Variants in CNIH3 observed in about 807,000 individuals in gnomAD.
CNIH3 encodes protein cornichon homolog 3.
A neutral mutation model predicts 24.1 loss-of-function variants in CNIH3; 14 were observed. The ratio of observed to expected loss-of-function variants is 0.58; its 90% CI spans 0.38 to 0.91. The LOEUF is 0.91. CNIH3 is among the 40% of genes least tolerant of loss of function. The pLI is 0.00. For missense variants in CNIH3, 178 were observed against 196.8 expected, an observed-to-expected ratio of 0.90 and a Z score of 0.57; for synonymous variants, 68 against 73.8, an observed-to-expected ratio of 0.92 and a Z score of 0.40.
chr1:224,446,152 T>G (rs1156923237), intron 1 of CNIH3, among the ~76,000 whole-genome samples: 1 of 152,184 alleles, frequency 6.6e-6, no homozygotes, highest in East Asian at 1.9e-4. Flanking sequence ...CATACTGACT[T>G]ACTTGCTGCT....
chr1:224,441,423 G>A (rs1674907961), intron 1 of CNIH3, among the ~76,000 whole-genome samples: 1 of 151,978 alleles, frequency 6.6e-6, no homozygotes. Context: ...GGAATAAAGG[G>A]CAAAAAGGCA....
chr1:224,535,887 G>A (rs1679263740), intron 2 of CNIH3, among the ~76,000 whole-genome samples: 3 of 152,220 alleles, frequency 2.0e-5, no homozygotes, highest in Admixed American at 2.0e-4. Flanking sequence ...GTGGCCTCCT[G>A]TAGAGGCATG....
chr1:224,639,721 A>T (rs1381012952), intron 1 of CNIH3, among the ~76,000 whole-genome samples: 2 of 152,166 alleles, frequency 1.3e-5, no homozygotes, highest in African/African-American at 4.8e-5. Context: ...CTTTGTTCTA[A>T]ATTTCTTCCT....
intron 1 of CNIH3, among the ~76,000 whole-genome samples, chr1:224,480,608 C>T (rs1572333341): frequency 1.3e-5 from 2 of 152,084 alleles, no homozygotes; most frequent in Non-Finnish European, 2.9e-5. Context: ...TGCCAGATAC[C>T]CTAAATCATC....
At chr1:224,546,879 C>T in exon 3 of CNIH3, 1 of 985,092 alleles carries the variant, frequency 1.0e-6, no homozygotes, top group Non-Finnish European at 1.2e-6. Flanking sequence ...GGCCATTTGA[C>T]ATGGGACACA....
intron 3 of CNIH3, among the ~76,000 whole-genome samples, chr1:224,728,223 A>G (rs543015537): frequency 8.4e-4 from 128 of 152,374 alleles, no homozygotes; most frequent in Non-Finnish European, 1.2e-3. Context: ...AGAGATGTGC[A>G]TAGCAGAACT....
chr1:224,657,927 A>G (rs9660787), intron 1 of CNIH3, among the ~76,000 whole-genome samples: 26,878 of 152,150 alleles, frequency 0.18, 2,536 homozygotes, highest in African/African-American at 0.23. Context: ...TAACATAATC[A>G]TAATTATTAC....
At chr1:224,509,526 C>T (rs1436401325) in intron 1 of CNIH3, among the ~76,000 whole-genome samples, 1 of 152,150 alleles carries the variant, frequency 6.6e-6, no homozygotes, top group Non-Finnish European at 1.5e-5. Context: ...CCCTGGCCCA[C>T]CCTCCTTGCC....
chr1:224,625,463 G>A (rs372122739), intron 1 of CNIH3, among the ~76,000 whole-genome samples: 91 of 152,362 alleles, frequency 6.0e-4, no homozygotes, highest in Admixed American at 1.2e-3. Context: ...TGCTGAGGCA[G>A]GGGAATGGTG....
chr1:224,734,905 C>T (rs552797141), intron 5 of CNIH3, among the ~76,000 whole-genome samples, 199 bp downstream of exon 5: 2 of 152,326 alleles, frequency 1.3e-5, no homozygotes, highest in African/African-American at 4.8e-5. Context: ...GGAGATCCTG[C>T]AGGAGGCCTT....
intron 3 of CNIH3, among the ~76,000 whole-genome samples, chr1:224,595,034 T>A (rs1681919939): frequency 3.9e-5 from 6 of 152,194 alleles, no homozygotes; most frequent in Admixed American, 3.9e-4. Flanking sequence ...GCTTGCCTCA[T>A]GTCTCTGTGT....
At chr1:224,734,198 A>C (rs1427729195) in intron 4 of CNIH3, among the ~76,000 whole-genome samples, 1 of 152,294 alleles carries the variant, frequency 6.6e-6, no homozygotes. Flanking sequence ...GGTAGAATGG[A>C]GGTATGGTGG....
chr1:224,722,557 T>A (rs1342184947), intron 3 of CNIH3, among the ~76,000 whole-genome samples: 1 of 152,140 alleles, frequency 6.6e-6, no homozygotes, highest in Non-Finnish European at 1.5e-5. Flanking sequence ...AGAAACTGGA[T>A]GCTGGAGCAG....
At chr1:224,481,218 C>T (rs1676799360) in intron 1 of CNIH3, among the ~76,000 whole-genome samples, 1 of 152,216 alleles carries the variant, frequency 6.6e-6, no homozygotes, top group Non-Finnish European at 1.5e-5. Context: ...GAAAGACCTG[C>T]CCCTATGATT....
At chr1:224,661,638 T>C in intron 1 of CNIH3, 1 of 305,918 alleles carries the variant, frequency 3.3e-6, no homozygotes, top group South Asian at 3.9e-5. Context: ...CAAATGATTG[T>C]CAAAATGACT....
In CNIH3 at chr1:224,650,927, G is replaced by A. The variant is rs553545162; in HGVS notation, c.82-30031G>A. Among the ~76,000 whole-genome samples the A allele has an allele frequency of 1.4e-4, 22 of 152,282 alleles. No homozygotes were observed. In the South Asian group the frequency reaches 3.3e-3, roughly 23 times the overall value. ...AATGAGCTGAGTACAGAGCCCAGGT[G>A]CTCAGCGTGGACACTGGCTTGATGG... On this transcript the variant is annotated intron_variant, in intron 1 of 5. Coordinates refer to ENST00000272133, the MANE Select transcript of CNIH3 (RefSeq NM_152495.2).
chr1:224,731,442 A>G (rs562660054), intron 4 of CNIH3, among the ~76,000 whole-genome samples: 4 of 152,274 alleles, frequency 2.6e-5, no homozygotes, highest in African/African-American at 9.6e-5. Context: ...GGGAATATCT[A>G]AATAGTAGAG....
intron 1 of CNIH3, among the ~76,000 whole-genome samples, chr1:224,453,099 C>T (rs1449165223): frequency 3.3e-5 from 5 of 151,370 alleles, no homozygotes; most frequent in Non-Finnish European, 5.9e-5. Flanking sequence ...CCAGCCTGGG[C>T]AACAGAAAGA....
At chr1:224,719,046 A>C (rs1350029649) in intron 3 of CNIH3, 1 of 152,110 alleles carries the variant, frequency 6.6e-6, no homozygotes, top group Non-Finnish European at 1.5e-5. Flanking sequence ...CATTGAACTC[A>C]TCCTGGCACC....
Sources: gnomAD v4.1 joint callset for allele counts (sites outside exome capture counted in the v4.1 genomes callset) on GRCh38, gnomAD v4.1.1 for gene constraint, MANE v1.5 for transcripts, NCBI Gene and HGNC (gene_info 2026-07-23, HGNC 2026-07-21) for gene names.